CCDC146: variants seen among roughly 807,000 people sequenced by gnomAD.
CCDC146 encodes the protein coiled-coil domain containing 146, also known as coiled-coil domain-containing protein 146.
CCDC146 carries 92 observed loss-of-function variants against 119.3 expected under a neutral mutation model. That is an observed-to-expected ratio of 0.77 (90% CI 0.65 to 0.92). CCDC146 has a LOEUF of 0.92. Among genes scored for constraint, CCDC146 ranks in the 40% least tolerant of loss-of-function variants. The probability of loss-of-function intolerance (pLI) is 0.00; values close to 1 mark genes in which losing one functional copy is unlikely to be tolerated. For synonymous variants in CCDC146, 372 were observed against 371.8 expected (o/e 1.00, Z -0.01); for missense variants, 1,000 against 1,103.0 (o/e 0.91, Z 1.32).
Position 77,196,170 on chromosome 7 carries a change from G to T in CCDC146, c.156+28346G>T. On this transcript the variant is annotated intron_variant, in intron 2 of 18. Coordinates refer to ENST00000285871, the MANE Select transcript of CCDC146 (RefSeq NM_020879.3). This position sits in a 1 kb window ranked among gnomAD's most constrained non-coding sequence, Gnocchi z 4.2. ...GTGTAGCATAAGAACCTAGCCGTCA[G>T]ACATCATTTTTTAGCTATGAAAAAT... 1.3e-6 allele frequency: 1 copy of T among 776,606 alleles called. No homozygotes were observed. Among genetic ancestry groups the T allele is most frequent in the Non-Finnish European group, 2.0e-6 (1 of 494,076 alleles). The allele number at this position is 776,606 out of a possible 1,614,324, so 48.1% of individuals were successfully genotyped here.
intron 3 of CCDC146, 58 bp downstream of exon 3, chr7:77,237,087 A>G: frequency 1.5e-6 from 2 of 1,368,094 alleles, no homozygotes; most frequent in South Asian, 1.2e-5. Context: ...CTTACTGGTG[A>G]TGAGACCTGT....
At chr7:77,202,567 C>T (rs1792012681) in intron 2 of CCDC146, among the ~76,000 whole-genome samples, 1 of 152,164 alleles carries the variant, frequency 6.6e-6, no homozygotes, top group South Asian at 2.1e-4. Context: ...GAGAACTCCT[C>T]TGTTGACCAG....
At position 77,273,657 on chromosome 7, in the gene CCDC146, C is replaced by A. The variant is rs1584135043; in HGVS notation, c.1174-37C>A. 3 of 1,491,708 alleles carry A rather than the reference C, an allele frequency of 2.0e-6. No homozygotes were observed. The East Asian group carries it at 6.9e-5, about 34-fold the overall frequency. The allele number at this position is 1,491,708 out of a possible 1,614,324, so 92.4% of individuals were successfully genotyped here. A position where few individuals can be genotyped will look rare whatever the true frequency, so the allele number is the denominator to read the frequency against. On this transcript the variant is annotated intron_variant, in intron 9 of 18. Coordinates refer to ENST00000285871, the MANE Select transcript of CCDC146 (RefSeq NM_020879.3). ...GCCTCAGCCTCCCAAAGATTTATTT[C>A]TTACATAAATGCATGTTTTTAAATT...
At chr7:77,177,792 G>T (rs569717065) in intron 2 of CCDC146, among the ~76,000 whole-genome samples, 1 of 151,870 alleles carries the variant, frequency 6.6e-6, no homozygotes, top group Non-Finnish European at 1.5e-5. Context: ...GCATGTTTTC[G>T]CTTTTCCTTC....
intron 2 of CCDC146, among the ~76,000 whole-genome samples, chr7:77,233,755 G>T (rs1584096696): frequency 6.6e-6 from 1 of 152,294 alleles, no homozygotes; most frequent in African/African-American, 2.4e-5. Flanking sequence ...ATGCTCACTT[G>T]CCCGCTGCTC....
intron 2 of CCDC146, among the ~76,000 whole-genome samples, chr7:77,200,552 A>G (rs3093269): frequency 0.027 from 4,068 of 152,330 alleles, 146 homozygotes; most frequent in African/African-American, 0.082. Flanking sequence ...TTGTACTGTC[A>G]TCTTCCACAG....
chr7:77,225,250 A>G (rs972134937), intron 2 of CCDC146, among the ~76,000 whole-genome samples: 1 of 152,186 alleles, frequency 6.6e-6, no homozygotes, highest in Non-Finnish European at 1.5e-5. Context: ...CATAGTTTTA[A>G]AAAATAGCAA....
At chr7:77,218,962 T>C (rs1792350769) in intron 2 of CCDC146, among the ~76,000 whole-genome samples, 1 of 152,202 alleles carries the variant, frequency 6.6e-6, no homozygotes, top group Admixed American at 6.5e-5. Flanking sequence ...ATACTGTTGA[T>C]TGTTAATTTG....
At chr7:77,265,717 G>A (rs1344135848) in intron 9 of CCDC146, among the ~76,000 whole-genome samples, 2 of 152,160 alleles carry the variant, frequency 1.3e-5, no homozygotes, top group Non-Finnish European at 2.9e-5. Flanking sequence ...TGCTATACCA[G>A]CCAGAAAGAA....
intron 2 of CCDC146, among the ~76,000 whole-genome samples, chr7:77,204,359 C>T (rs1262597708): frequency 6.6e-6 from 1 of 152,092 alleles, no homozygotes; most frequent in Non-Finnish European, 1.5e-5. Flanking sequence ...ACCCACAGAA[C>T]AAGAATTGCC....
intron 2 of CCDC146, among the ~76,000 whole-genome samples, chr7:77,216,366 C>G (rs563595946): frequency 2.6e-5 from 4 of 152,250 alleles, no homozygotes; most frequent in African/African-American, 9.6e-5. Flanking sequence ...GCGCTTCACA[C>G]TGCCTCTATG....
intron 4 of CCDC146, among the ~76,000 whole-genome samples, chr7:77,242,674 A>G (rs891171943): frequency 3.9e-5 from 6 of 152,214 alleles, no homozygotes; most frequent in African/African-American, 1.2e-4. Context: ...GCCTGGGTAC[A>G]GGAGAGAAAG....
intron 1 of CCDC146, among the ~76,000 whole-genome samples, chr7:77,133,662 T>C (rs1790818876): frequency 6.6e-6 from 1 of 151,264 alleles, no homozygotes; most frequent in Non-Finnish European, 1.5e-5. Flanking sequence ...CTTTTTTTTT[T>C]TTTTTTTACC....
In CCDC146 at chr7:77,196,794, G is replaced by T; in HGVS notation, c.156+28970G>T. 1 of 1,614,102 alleles carries T rather than the reference G, an allele frequency of 6.2e-7. No individual in the cohort carries two copies. Among genetic ancestry groups the T allele is most frequent in the East Asian group, 2.2e-5 (1 of 44,870 alleles). On this transcript the variant is annotated intron_variant, in intron 2 of 18. Transcript: ENST00000285871. The surrounding 1 kb of genome is among the most constrained non-coding windows in gnomAD (Gnocchi z 4.2). ...TTTCCAAAGCCTGCTTTGTAGTCTT[G>T]CCATGTTCTGGTGAAGTTGGTGCTC...
intron 1 of CCDC146, among the ~76,000 whole-genome samples, chr7:77,133,401 G>A (rs2539141): frequency 2.0e-5 from 3 of 151,888 alleles, no homozygotes; most frequent in African/African-American, 7.3e-5. Context: ...CCCAGGCTGG[G>A]GTGCAGTGGT....
intron 14 of CCDC146, among the ~76,000 whole-genome samples, chr7:77,281,789 G>A (rs2150548288): frequency 6.6e-6 from 1 of 152,256 alleles, no homozygotes; most frequent in South Asian, 2.1e-4. Flanking sequence ...TGTGTGGGAA[G>A]ACCTTTAGGG....
chr7:77,139,886 T>C (rs1478905226), intron 1 of CCDC146, among the ~76,000 whole-genome samples: 8 of 149,138 alleles, frequency 5.4e-5, no homozygotes, highest in East Asian at 2.2e-4. Flanking sequence ...TTCCTTCCTT[T>C]CTTTCTTTAT....
chr7:77,173,501 T>C (rs1250306470), intron 2 of CCDC146, among the ~76,000 whole-genome samples: 2 of 151,924 alleles, frequency 1.3e-5, no homozygotes, highest in African/African-American at 2.4e-5. Flanking sequence ...TGGTGGTGCA[T>C]GCCTGTAATC....
intron 2 of CCDC146, among the ~76,000 whole-genome samples, chr7:77,236,286 A>C (rs1375210543): frequency 6.6e-6 from 1 of 152,230 alleles, no homozygotes; most frequent in Non-Finnish European, 1.5e-5. Flanking sequence ...ACAGATCAAA[A>C]GTCATTTTAA....
Sources: allele counts gnomAD v4.1 joint callset (sites outside exome capture counted in the v4.1 genomes callset), GRCh38; gene constraint gnomAD v4.1.1; non-coding constraint Gnocchi (gnomAD v3.1); transcripts MANE v1.5; gene names NCBI Gene and HGNC (gene_info 2026-07-23, HGNC 2026-07-21).